Variants in RUNX1T1 observed in about 807,000 individuals in gnomAD.
RUNX1T1 encodes the protein protein CBFA2T1.
A neutral mutation model predicts 62.8 loss-of-function variants in RUNX1T1; 4 were observed. The ratio of observed to expected loss-of-function variants is 0.06; its 90% CI spans 0.03 to 0.15. The LOEUF (loss-of-function observed/expected upper bound fraction) is 0.15. RUNX1T1 is among the 10% of genes least tolerant of loss of function. The pLI is 1.00. For synonymous variants in RUNX1T1, 291 were observed against 286.0 expected (o/e 1.02, Z -0.18); for missense variants, 508 against 754.3 (o/e 0.67, Z 3.82).
downstream of RUNX1T1, chr8:91,955,358 A>G (rs1031269413): frequency 4.4e-5 from 10 of 227,530 alleles, no homozygotes; most frequent in South Asian, 9.1e-4. Flanking sequence ...CACATTAAAA[A>G]TAGGCAACTT....
chr8:91,995,379 C>A (rs1259061273), intron 5 of RUNX1T1, among the ~76,000 whole-genome samples: 1 of 152,150 alleles, frequency 6.6e-6, no homozygotes, highest in Non-Finnish European at 1.5e-5. Context: ...TGAGTCTGTT[C>A]TCTCACTTCA....
At chr8:92,054,733 G>A (rs1830759684) in intron 1 of RUNX1T1, among the ~76,000 whole-genome samples, 1 of 152,114 alleles carries the variant, frequency 6.6e-6, no homozygotes. Flanking sequence ...CAGGCGCGGC[G>A]GCTCATGCCT....
intron 1 of RUNX1T1, among the ~76,000 whole-genome samples, chr8:92,094,067 G>C (rs972458998): frequency 4.6e-5 from 7 of 152,154 alleles, no homozygotes; most frequent in Non-Finnish European, 1.0e-4. Flanking sequence ...TGCCACTCTG[G>C]CCAGTTGGTC....
chr8:92,014,938 G>C (rs925652668), intron 2 of RUNX1T1, 118 bp from the exon 4 acceptor site: 1 of 1,072,540 alleles, frequency 9.3e-7, no homozygotes, highest in Non-Finnish European at 1.3e-6. Context: ...TTAAATGTTG[G>C]GACTTTTTAA....
At chr8:91,982,749 A>C (rs1260776756) in intron 8 of RUNX1T1, among the ~76,000 whole-genome samples, 2 of 152,120 alleles carry the variant, frequency 1.3e-5, no homozygotes, top group Non-Finnish European at 2.9e-5. Context: ...AAAACGATAA[A>C]TATCTATTAT....
upstream of RUNX1T1, among the ~76,000 whole-genome samples, chr8:92,067,219 T>C (rs1833001922): frequency 6.6e-6 from 1 of 152,206 alleles, no homozygotes; most frequent in Admixed American, 6.5e-5. Context: ...TAGGTGATTA[T>C]ACAGACATTA....
At chr8:92,063,004 C>T, upstream of RUNX1T1, 1 of 1,102,174 alleles carries the variant, frequency 9.1e-7, no homozygotes. Context: ...CTTATTTTGC[C>T]AAAAGATAGA....
intron 4 of RUNX1T1, chr8:92,009,850 C>T (rs1226868300): frequency 1.3e-5 from 2 of 151,934 alleles, no homozygotes; most frequent in East Asian, 1.9e-4. Flanking sequence ...TAGAAAAGAA[C>T]GAAAAGAATA....
intron 5 of RUNX1T1, among the ~76,000 whole-genome samples, chr8:91,996,573 C>T (rs1000772158): frequency 1.3e-5 from 2 of 152,290 alleles, no homozygotes; most frequent in South Asian, 4.1e-4. Flanking sequence ...CACAATCTAA[C>T]CACTTCAACA....
intron 1 of RUNX1T1, among the ~76,000 whole-genome samples, chr8:92,079,744 C>A (rs545714172): frequency 6.6e-5 from 10 of 152,262 alleles, no homozygotes; most frequent in Admixed American, 1.3e-4. Flanking sequence ...CACTCATCTA[C>A]AGTTTTCAGC....
chr8:92,030,271 A>G (rs1318535538), intron 1 of RUNX1T1, among the ~76,000 whole-genome samples: 1 of 152,132 alleles, frequency 6.6e-6, no homozygotes, highest in Non-Finnish European at 1.5e-5. Flanking sequence ...TGTTGTATAT[A>G]ATTGTATAAT....
chr8:92,058,577 G>C (rs751846038), intron 1 of RUNX1T1, among the ~76,000 whole-genome samples: 1 of 152,116 alleles, frequency 6.6e-6, no homozygotes, highest in Non-Finnish European at 1.5e-5. Context: ...TTAAGAAAAT[G>C]TCCTCAAAAG....
intron 2 of RUNX1T1, 95 bp from the exon 4 acceptor site, chr8:92,014,915 GT>G: frequency 8.2e-7 from 1 of 1,226,740 alleles, no homozygotes; most frequent in Non-Finnish European, 1.1e-6. Context: ...ACATCTACTA[GT>G]TTTATAAGTT....
intron 1 of RUNX1T1, among the ~76,000 whole-genome samples, chr8:92,088,329 G>A (rs1189014223): frequency 6.6e-6 from 1 of 152,166 alleles, no homozygotes; most frequent in East Asian, 1.9e-4. Flanking sequence ...TAAGCTATTA[G>A]TCTTCCCTGA....
At chr8:92,020,045 C>A (rs1823781896) in intron 1 of RUNX1T1, among the ~76,000 whole-genome samples, 1 of 152,162 alleles carries the variant, frequency 6.6e-6, no homozygotes, top group African/African-American at 2.4e-5. Context: ...TGGTTAGCTT[C>A]ACTCTGATCA....
At chr8:91,972,451 T>A (rs1328982496) in intron 9 of RUNX1T1, among the ~76,000 whole-genome samples, 1 of 152,138 alleles carries the variant, frequency 6.6e-6, no homozygotes, top group African/African-American at 2.4e-5. Context: ...CTTTAAGATA[T>A]GCATTTAAAA....
At chr8:92,009,906 T>C (rs1821601331) in intron 4 of RUNX1T1, 1 of 152,228 alleles carries the variant, frequency 6.6e-6, no homozygotes, top group Non-Finnish European at 1.5e-5. Context: ...ATTTCTGGTT[T>C]GTAGGTACTC....
intron 10 of RUNX1T1, among the ~76,000 whole-genome samples, chr8:91,967,322 A>G (rs1209215511): frequency 1.3e-5 from 2 of 152,264 alleles, no homozygotes; most frequent in African/African-American, 2.4e-5. Flanking sequence ...AAGCAAGAGC[A>G]GTCTTTCTTA....
At chr8:92,062,674 C>T (rs533397935) in exon 1 of RUNX1T1, 70 of 1,591,492 alleles carry the variant, frequency 4.4e-5, no homozygotes, top group Non-Finnish European at 5.3e-5. Context: ...GGGGCTGGGG[C>T]GGCATCGCCG....
Sources: allele counts gnomAD v4.1 joint callset (sites outside exome capture counted in the v4.1 genomes callset), GRCh38; gene constraint gnomAD v4.1.1; transcripts MANE v1.5; gene names NCBI Gene and HGNC (gene_info 2026-07-23, HGNC 2026-07-21).